The following DIAPH3 variants were observed in gnomAD, a reference collection of about 807,000 sequenced individuals.
The protein encoded by DIAPH3 is protein diaphanous homolog 3.
In DIAPH3, 117 loss-of-function variants were observed where a neutral mutation model predicts 144.3. The ratio of observed to expected loss-of-function variants is 0.81; its 90% CI spans 0.70 to 0.95. The LOEUF (loss-of-function observed/expected upper bound fraction) is 0.95, where lower values mean the gene tolerates loss of function less well. Ranked by LOEUF, DIAPH3 falls within the 40% of genes least tolerant of loss-of-function variation. The pLI, the probability that DIAPH3 is intolerant of heterozygous loss-of-function variation, is 0.00. For synonymous variants in DIAPH3, 519 were observed against 488.9 expected, an observed-to-expected ratio of 1.06 and a Z score of -0.81; for missense variants, 1,421 against 1,412.7, an observed-to-expected ratio of 1.01 and a Z score of -0.09.
At chr13:59,787,201 TAGA>T (rs1306880566) in intron 25 of DIAPH3, among the ~76,000 whole-genome samples, 1 of 152,164 alleles carries the variant, frequency 6.6e-6, no homozygotes, top group African/African-American at 2.4e-5. Flanking sequence ...TTCAAATCAG[TAGA>T]AGATTAAAAA....
chr13:59,952,242 G>A (rs74798818), intron 17 of DIAPH3, among the ~76,000 whole-genome samples: 11,689 of 152,126 alleles, frequency 0.077, 754 homozygotes, highest in East Asian at 0.39. Context: ...CAGGGGCTAG[G>A]GGAAGTGAAT....
chr13:60,004,391 T>C (rs1368534995), intron 9 of DIAPH3, among the ~76,000 whole-genome samples: 2 of 152,232 alleles, frequency 1.3e-5, no homozygotes, highest in East Asian at 1.9e-4. Flanking sequence ...AGAAAGAGCA[T>C]AACCTGCAAT....
At chr13:60,017,772 C>T (rs975765652) in intron 5 of DIAPH3, among the ~76,000 whole-genome samples, 1 of 152,134 alleles carries the variant, frequency 6.6e-6, no homozygotes, top group African/African-American at 2.4e-5. Flanking sequence ...TGCACTTAAA[C>T]AGGAAAGATA....
chr13:60,140,101 T>C (rs1424399281), intron 1 of DIAPH3, among the ~76,000 whole-genome samples: 1 of 152,216 alleles, frequency 6.6e-6, no homozygotes, highest in Non-Finnish European at 1.5e-5. Context: ...ACTACTAAAT[T>C]ACTTCTGAGA....
chr13:59,890,846 T>C (rs745993244), intron 20 of DIAPH3, among the ~76,000 whole-genome samples: 15 of 151,798 alleles, frequency 9.9e-5, no homozygotes, highest in Non-Finnish European at 2.1e-4. Context: ...TTTTCACATT[T>C]GTATCAACAG....
intron 25 of DIAPH3, among the ~76,000 whole-genome samples, chr13:59,802,678 T>TATTTTA (rs1477779631): frequency 2.9e-5 from 2 of 69,280 alleles, no homozygotes; most frequent in Non-Finnish European, 6.1e-5. Flanking sequence ...TTTTTTTTTT[T>TATTTTA]TTTTTTTTTT....
chr13:60,045,977 G>A (rs1461761988), intron 4 of DIAPH3, among the ~76,000 whole-genome samples: 1 of 152,168 alleles, frequency 6.6e-6, no homozygotes, highest in East Asian at 1.9e-4. Flanking sequence ...TCTTCTGATA[G>A]TTGCTTAATA....
intron 27 of DIAPH3, among the ~76,000 whole-genome samples, chr13:59,737,643 A>G (rs2036223770): frequency 1.3e-5 from 2 of 152,234 alleles, no homozygotes; most frequent in Non-Finnish European, 2.9e-5. Flanking sequence ...TGATTTAGGT[A>G]AAGAGCTGTA....
chr13:59,763,922 T>C (rs2037743480), intron 27 of DIAPH3, among the ~76,000 whole-genome samples: 1 of 152,046 alleles, frequency 6.6e-6, no homozygotes, highest in Admixed American at 6.6e-5. Context: ...CTCTGTGTAA[T>C]TCTCTTGCTC....
chr13:59,950,881 A>G (rs2049058833), intron 17 of DIAPH3, among the ~76,000 whole-genome samples: 2 of 152,100 alleles, frequency 1.3e-5, no homozygotes, highest in Admixed American at 1.3e-4. Flanking sequence ...CTAGAAAACA[A>G]AAGTTTTGAA....
intron 17 of DIAPH3, among the ~76,000 whole-genome samples, chr13:59,939,862 G>A (rs1386885449): frequency 6.6e-6 from 1 of 151,716 alleles, no homozygotes; most frequent in African/African-American, 2.4e-5. Flanking sequence ...GTGTGTGTGT[G>A]TGTGTGTGTA....
intron 9 of DIAPH3, among the ~76,000 whole-genome samples, chr13:60,002,499 C>T (rs964144371): frequency 6.6e-5 from 10 of 152,208 alleles, no homozygotes; most frequent in African/African-American, 2.4e-4. Context: ...CAGCCTACTG[C>T]TATTGCTGTG....
intron 25 of DIAPH3, among the ~76,000 whole-genome samples, chr13:59,786,825 G>C (rs1034994184): frequency 2.6e-5 from 4 of 152,166 alleles, no homozygotes; most frequent in Non-Finnish European, 5.9e-5. Flanking sequence ...ATGAGCAACA[G>C]AGGCTGGGTG....
chr13:59,833,044 T>G, intron 24 of DIAPH3, 63 bp downstream of exon 24: 1,166 of 1,194,262 alleles, frequency 9.8e-4, no homozygotes, highest in Non-Finnish European at 1.2e-3. Flanking sequence ...AACGATGTAA[T>G]GAGATAATAG....
At chr13:60,089,791 C>G (rs1209197864) in intron 4 of DIAPH3, among the ~76,000 whole-genome samples, 2 of 152,178 alleles carry the variant, frequency 1.3e-5, no homozygotes. Context: ...CCTCTCTCAT[C>G]TATGCTATGA....
chr13:59,902,602 C>A lies in DIAPH3; in HGVS notation c.2367+9133G>T, dbSNP rs571033406. Among the ~76,000 whole-genome samples, 13 of 152,174 alleles carry A rather than the reference C, an allele frequency of 8.5e-5. No homozygotes were observed. In the East Asian group the frequency reaches 2.1e-3, roughly 25 times the overall value. On this transcript the variant is annotated intron_variant, in intron 20 of 27. Coordinates refer to ENST00000400324, the MANE Select transcript of DIAPH3 (RefSeq NM_001042517.2). The stretch of plus-strand genomic sequence containing the variant: ...AAGCCTGGCCAACATGGTGAAACCC[C>A]ATCTCTACTAAAAATTCAATAAATT...
At chr13:59,924,903 A>T (rs1467095927) in intron 17 of DIAPH3, 33 bp from the exon 18 acceptor site, 5 of 1,585,510 alleles carry the variant, frequency 3.2e-6, no homozygotes, top group Non-Finnish European at 4.3e-6. Flanking sequence ...TGTTAGGGGC[A>T]GCAATTCATT....
intron 2 of DIAPH3, among the ~76,000 whole-genome samples, chr13:60,127,850 A>G (rs1441421926): frequency 6.6e-6 from 1 of 152,154 alleles, no homozygotes; most frequent in African/African-American, 2.4e-5. Flanking sequence ...GATTATACTC[A>G]ATACTGGTAC....
At chr13:59,992,323 G>A (rs987322369) in intron 10 of DIAPH3, 137 bp from the exon 11 acceptor site, 41 of 1,004,422 alleles carry the variant, frequency 4.1e-5, no homozygotes, top group South Asian at 6.0e-5. Flanking sequence ...AATAACACTC[G>A]AATCTTATCA....
Sources: gnomAD v4.1 joint callset for allele counts (sites outside exome capture counted in the v4.1 genomes callset) on GRCh38, gnomAD v4.1.1 for gene constraint, MANE v1.5 for transcripts, NCBI Gene and HGNC (gene_info 2026-07-23, HGNC 2026-07-21) for gene names.